CHRM2: variants seen among roughly 807,000 people sequenced by gnomAD.
CHRM2 encodes cholinergic receptor muscarinic 2.
Under a neutral mutation model 25.0 loss-of-function variants are expected in CHRM2, and 8 were observed. The observed-to-expected ratio is 0.32, with a 90% CI of 0.19 to 0.58. CHRM2 has a LOEUF of 0.58. CHRM2 is among the 20% of genes least tolerant of loss of function. The probability of loss-of-function intolerance (pLI) is 0.88; values close to 1 mark genes in which losing one functional copy is unlikely to be tolerated. For synonymous variants in CHRM2, 202 were observed against 205.7 expected, an observed-to-expected ratio of 0.98 and a Z score of 0.15; for missense variants, 440 against 567.1, an observed-to-expected ratio of 0.78 and a Z score of 2.28.
chr7:136,906,268 T>C (rs1442543307), intron 2 of CHRM2, among the ~76,000 whole-genome samples: 3 of 151,064 alleles, frequency 2.0e-5, no homozygotes, highest in Admixed American at 6.6e-5. Flanking sequence ...TGTGATTAAA[T>C]AATTAAAAAT....
chr7:136,895,265 T>C (rs546362043), intron 2 of CHRM2, among the ~76,000 whole-genome samples: 2 of 152,334 alleles, frequency 1.3e-5, no homozygotes, highest in South Asian at 2.1e-4. Flanking sequence ...TCCTATAATG[T>C]ATAATTTGAG....
intron 3 of CHRM2, among the ~76,000 whole-genome samples, chr7:136,998,116 A>G (rs1803727637): frequency 6.6e-6 from 1 of 152,148 alleles, no homozygotes; most frequent in African/African-American, 2.4e-5. Flanking sequence ...CTGGCTTTTA[A>G]TGAGTTAGTA....
intron 2 of CHRM2, among the ~76,000 whole-genome samples, chr7:136,974,882 GTGAGAACTGA>G (rs1490132829): frequency 4.6e-5 from 7 of 152,184 alleles, no homozygotes; most frequent in Non-Finnish European, 1.0e-4. Context: ...GCCTTTGAAG[GTGAGAACTGA>G]TGAGAACTGA....
Position 137,015,907 on chromosome 7 carries a change from G to C in CHRM2, c.1042G>C (p.Gly348Arg), listed in dbSNP as rs781068894. Residue 348 changes from glycine to arginine, a missense_variant, in exon 4 of 4, where the codon GGG becomes CGG. Physicochemically the swap from Gly to Arg is moderately radical, Grantham distance 125. This residue lies in a region of CHRM2 where 261 missense variants were observed against 261.8 expected (regional missense o/e 1.00). Transcript: ENST00000680005. This position sits in a 1 kb window ranked among gnomAD's most constrained non-coding sequence, Gnocchi z 5.1. ...TPTNTTVEVV[G>R]SSGQNGDEKQ... is the part of the protein sequence containing the mutation. ...AACTAATACCACCGTGGAGGTAGTG[G>C]GGTCTTCAGGTCAGAATGGAGATGA... The C allele has an allele frequency of 1.2e-6, 2 of 1,613,096 alleles. No homozygotes were observed. Among genetic ancestry groups the C allele is most frequent in the Non-Finnish European group, 1.7e-6 (2 of 1,179,454 alleles).
At chr7:136,887,124 C>T (rs1449899630) in intron 2 of CHRM2, among the ~76,000 whole-genome samples, 2 of 152,088 alleles carry the variant, frequency 1.3e-5, no homozygotes, top group Non-Finnish European at 2.9e-5. Flanking sequence ...GCTGCTCTTG[C>T]CATAGGGGCA....
chr7:136,931,115 T>C lies in CHRM2; in HGVS notation c.-124-61072T>C, dbSNP rs558385494. ...ATGGCTTAGATATGTGCACAGTTAT[T>C]GTTTATAAACATCTTCAGAATCTTT... On this transcript the variant is annotated intron_variant, in intron 2 of 3. Coordinates refer to ENST00000680005, the MANE Select transcript of CHRM2 (RefSeq NM_001006630.2). Among the ~76,000 whole-genome samples, 6 of 152,296 alleles carry C rather than the reference T, an allele frequency of 3.9e-5. 1 individual carries two copies. Among genetic ancestry groups the C allele is most frequent in the African/African-American group, 1.4e-4 (6 of 41,560 alleles).
chr7:136,962,523 C>T (rs927536423), intron 2 of CHRM2, among the ~76,000 whole-genome samples: 1 of 152,084 alleles, frequency 6.6e-6, no homozygotes, highest in East Asian at 1.9e-4. Flanking sequence ...TAAGTAAGAA[C>T]AGGTAGTCAT....
chr7:136,973,220 A>G lies in CHRM2; in HGVS notation c.-124-18967A>G, dbSNP rs540602463. On this transcript the variant is annotated intron_variant, in intron 2 of 3. Transcript: ENST00000680005. ...TGGCGACGGTGTTAGGGATGGTGGC[A>G]GGTGATGATGGTGACGGTGTTAGGG... Among the ~76,000 whole-genome samples, 7 of 104,542 alleles carry G rather than the reference A, an allele frequency of 6.7e-5. No individual in the cohort carries two copies. In the East Asian group the frequency reaches 1.7e-3, roughly 26 times the overall value. 68.6% of individuals were successfully genotyped at this position (104,542 alleles called of 152,430 possible). A position where few individuals can be genotyped will look rare whatever the true frequency, so the allele number is the denominator to read the frequency against.
Position 136,945,570 on chromosome 7 carries a change from C to G in CHRM2, c.-124-46617C>G, listed in dbSNP as rs144748791. 7.8e-3 allele frequency among the ~76,000 whole-genome samples: 1,189 copies of G among 152,154 alleles called. 14 individuals are homozygous for G. The highest frequency in any genetic ancestry group is 0.026 in the African/African-American group (1,072 of 41,530). ...TGGCTTTATTTCTGGGTTCTCTATT[C>G]TGTTCCATTGGCCTGTTTTTATACT... On this transcript the variant is annotated intron_variant, in intron 2 of 3. Transcript: ENST00000680005.
At chr7:136,950,622 T>C (rs1322948451) in intron 2 of CHRM2, among the ~76,000 whole-genome samples, 6 of 151,964 alleles carry the variant, frequency 3.9e-5, no homozygotes, top group African/African-American at 1.5e-4. Flanking sequence ...AATGAATAAA[T>C]AAAGTTGGAT....
intron 2 of CHRM2, among the ~76,000 whole-genome samples, chr7:136,896,908 T>C (rs779252963): frequency 1.1e-4 from 17 of 151,896 alleles, no homozygotes; most frequent in Non-Finnish European, 2.4e-4. Flanking sequence ...GATTGATTTG[T>C]TTTTCTCTAA....
chr7:136,952,757 G>A (rs1749685898), intron 2 of CHRM2, among the ~76,000 whole-genome samples: 1 of 151,836 alleles, frequency 6.6e-6, no homozygotes, highest in Non-Finnish European at 1.5e-5. Flanking sequence ...CGTATATGTT[G>A]CTCCCTCTAT....
rs546414293 is a variant in CHRM2, at chr7:136,881,948, A to G, written c.-125+12530A>G. On this transcript the variant is annotated intron_variant, in intron 2 of 3. Transcript: ENST00000680005. ...AAACTGAAAACCTAGTTGAAAGACC[A>G]TTTTATACAAGACCATACTGACCCC... is the stretch of plus-strand genomic sequence containing the variant. 7.9e-5 allele frequency among the ~76,000 whole-genome samples: 12 copies of G among 152,182 alleles called. No homozygotes were observed. The South Asian group carries it at 2.5e-3, about 32-fold the overall frequency.
Position 136,882,548 on chromosome 7 carries a change from C to G in CHRM2, c.-125+13130C>G, listed in dbSNP as rs555088049. 3.9e-5 allele frequency among the ~76,000 whole-genome samples: 6 copies of G among 152,138 alleles called. No homozygotes were observed. The South Asian group carries it at 1.2e-3, about 32-fold the overall frequency. Reference sequence around the variant, plus strand: ...AATGATACTTTATGCTAGTAGTCTGCTAAGAGTTCCAAGTTTCCTACTACC... The same window carrying G: ...AATGATACTTTATGCTAGTAGTCTGGTAAGAGTTCCAAGTTTCCTACTACC... On this transcript the variant is annotated intron_variant, in intron 2 of 3. Transcript: ENST00000680005.
At chr7:136,916,803 T>C (rs1470243332) in intron 2 of CHRM2, among the ~76,000 whole-genome samples, 1 of 151,494 alleles carries the variant, frequency 6.6e-6, no homozygotes, top group Non-Finnish European at 1.5e-5. Context: ...ATTGGGAACA[T>C]TGACAATTTA....
At position 137,015,942 on chromosome 7, in the gene CHRM2, T is replaced by A; in HGVS notation, c.1077T>A (p.Asn359Lys). Residue 359 changes from asparagine (N) to lysine (K), a missense_variant, in exon 4 of 4, where the codon AAT becomes AAA. Physicochemically the swap from Asn to Lys is moderately conservative, Grantham distance 94. This residue lies in a region of CHRM2 where 261 missense variants were observed against 261.8 expected (regional missense o/e 1.00). Transcript: ENST00000680005. The surrounding 1 kb of genome is among the most constrained non-coding windows in gnomAD (Gnocchi z 5.1). ...GTCAGAATGGAGATGAAAAGCAGAA[T>A]ATTGTAGCCCGCAAGATTGTGAAGA... is the stretch of plus-strand genomic sequence containing the variant. ...SSGQNGDEKQNIVARKIVKMT... is the reference protein window; with the variant it reads ...SSGQNGDEKQKIVARKIVKMT... The A allele has an allele frequency of 6.2e-7, 1 of 1,613,074 alleles. No individual in the cohort carries two copies. The highest frequency in any genetic ancestry group is 8.5e-7 in the Non-Finnish European group (1 of 1,179,432).
intron 2 of CHRM2, among the ~76,000 whole-genome samples, chr7:136,927,733 A>G (rs62485237): frequency 0.24 from 36,362 of 152,158 alleles, 5,718 homozygotes; most frequent in Non-Finnish European, 0.35. Flanking sequence ...AATCAATAGA[A>G]TTCTATTTAT....
intron 2 of CHRM2, among the ~76,000 whole-genome samples, chr7:136,885,608 A>G (rs900500634): frequency 6.6e-6 from 1 of 152,242 alleles, no homozygotes; most frequent in African/African-American, 2.4e-5. Flanking sequence ...TTATTTCTGC[A>G]GACTTAGTTA....
chr7:136,985,504 C>CAAAAAAAAAAAAAA (rs974105875), intron 2 of CHRM2, among the ~76,000 whole-genome samples: 2 of 59,752 alleles, frequency 3.3e-5, no homozygotes, highest in African/African-American at 7.6e-5. Context: ...AGTTAGACTC[C>CAAAAAAAAAAAAAA]AAAAAAAAAA....
Sources: gnomAD v4.1 joint callset for allele counts (sites outside exome capture counted in the v4.1 genomes callset) on GRCh38, gnomAD v4.1.1 for gene constraint, gnomAD v4.1.1 regional missense constraint, Gnocchi (gnomAD v3.1) non-coding constraint, MANE v1.5 for transcripts, NCBI Gene and HGNC (gene_info 2026-07-23, HGNC 2026-07-21) for gene names.